STXBP6: variants seen among roughly 807,000 people sequenced by gnomAD.
STXBP6 encodes syntaxin binding protein 6.
In STXBP6, 21 loss-of-function variants were observed where a neutral mutation model predicts 26.9. The observed-to-expected ratio is 0.78, with a 90% CI of 0.55 to 1.12. The LOEUF is 1.12. STXBP6 is among the 50% of genes most tolerant of loss of function. The pLI is 0.00. For synonymous variants in STXBP6, 97 were observed against 92.6 expected (o/e 1.05, Z -0.27); for missense variants, 232 against 257.9 (o/e 0.90, Z 0.69).
At chr14:24,939,210 T>C (rs2072712148) in intron 2 of STXBP6, among the ~76,000 whole-genome samples, 2 of 152,184 alleles carry the variant, frequency 1.3e-5, no homozygotes, top group Non-Finnish European at 2.9e-5. Context: ...CCGGTGACTG[T>C]GGCCAAGGCA....
At chr14:25,003,821 T>C (rs757213461) in intron 1 of STXBP6, among the ~76,000 whole-genome samples, 2 of 152,184 alleles carry the variant, frequency 1.3e-5, no homozygotes, top group Non-Finnish European at 2.9e-5. Context: ...ATCACATGAA[T>C]TGACAGCAAC....
intron 5 of STXBP6, 116 bp from the exon 6 acceptor site, chr14:24,812,848 T>A (rs1300810672): frequency 1.0e-6 from 1 of 989,082 alleles, no homozygotes; most frequent in East Asian, 2.5e-5. Flanking sequence ...AAGATTCTAC[T>A]CTCTGTGGCA....
chr14:25,039,314 C>T (rs1442318357), intron 1 of STXBP6, among the ~76,000 whole-genome samples: 1 of 152,070 alleles, frequency 6.6e-6, no homozygotes, highest in Non-Finnish European at 1.5e-5. Context: ...GTTCTATTAC[C>T]AGGGCTGCTC....
At chr14:24,963,735 T>C (rs1026312475) in intron 2 of STXBP6, among the ~76,000 whole-genome samples, 4 of 152,102 alleles carry the variant, frequency 2.6e-5, no homozygotes, top group African/African-American at 9.7e-5. Context: ...AACACTCAGG[T>C]GCTTCACAAT....
At chr14:24,876,560 G>C (rs1226882818) in intron 2 of STXBP6, among the ~76,000 whole-genome samples, 1 of 152,088 alleles carries the variant, frequency 6.6e-6, no homozygotes, top group African/African-American at 2.4e-5. Flanking sequence ...CAGCACAAGG[G>C]GTTTGACATA....
chr14:25,037,959 A>G (rs935584607), intron 1 of STXBP6, among the ~76,000 whole-genome samples: 1 of 152,202 alleles, frequency 6.6e-6, no homozygotes, highest in East Asian at 1.9e-4. Flanking sequence ...TTCCCCAGAA[A>G]CATTTGAGGA....
intron 2 of STXBP6, among the ~76,000 whole-genome samples, chr14:24,945,998 G>A (rs2072975022): frequency 6.6e-6 from 1 of 152,172 alleles, no homozygotes; most frequent in African/African-American, 2.4e-5. Context: ...AATATCTGGT[G>A]GATCGAGACA....
chr14:25,046,591 T>C (rs2075731116), intron 1 of STXBP6, among the ~76,000 whole-genome samples: 1 of 152,234 alleles, frequency 6.6e-6, no homozygotes, highest in Admixed American at 6.5e-5. Flanking sequence ...CCTCCTCTTA[T>C]ACCTAATTGA....
chr14:25,045,242 T>C (rs1026721120), intron 1 of STXBP6, among the ~76,000 whole-genome samples: 10 of 152,208 alleles, frequency 6.6e-5, no homozygotes, highest in Non-Finnish European at 1.5e-4. Context: ...GTCGTTGATA[T>C]AGTTAACTAT....
intron 4 of STXBP6, among the ~76,000 whole-genome samples, chr14:24,831,152 A>C (rs780116795): frequency 6.6e-6 from 1 of 152,188 alleles, no homozygotes; most frequent in Non-Finnish European, 1.5e-5. Flanking sequence ...TAGTTTAAGC[A>C]ATAGTTTCTT....
At chr14:24,900,143 CT>C (rs2071161289) in intron 2 of STXBP6, among the ~76,000 whole-genome samples, 1 of 152,154 alleles carries the variant, frequency 6.6e-6, no homozygotes, top group South Asian at 2.1e-4. Context: ...TTAGATTTTT[CT>C]TTTTTCATTT....
At chr14:24,894,262 A>C (rs1241604) in intron 2 of STXBP6, among the ~76,000 whole-genome samples, 100,743 of 152,100 alleles carry the variant, frequency 0.66, 33,483 homozygotes, top group East Asian at 0.76. Context: ...ACCAGTGTAA[A>C]ATGATGAGGA....
intron 1 of STXBP6, among the ~76,000 whole-genome samples, chr14:25,020,479 C>T (rs938808672): frequency 2.6e-5 from 4 of 152,112 alleles, no homozygotes; most frequent in Admixed American, 1.3e-4. Context: ...CGAACCCTGA[C>T]CAAATTCTGC....
chr14:25,023,181 G>A (rs2075290088), intron 1 of STXBP6, among the ~76,000 whole-genome samples: 1 of 151,990 alleles, frequency 6.6e-6, no homozygotes, highest in African/African-American at 2.4e-5. Flanking sequence ...TATTAACTAT[G>A]GTTTGAACTT....
chr14:25,021,956 A>C (rs1478834539), intron 1 of STXBP6, among the ~76,000 whole-genome samples: 1 of 152,226 alleles, frequency 6.6e-6, no homozygotes, highest in Non-Finnish European at 1.5e-5. Flanking sequence ...AGGGAAGATG[A>C]CAATAGGGAG....
At chr14:24,910,544 A>G (rs1416070134) in intron 2 of STXBP6, among the ~76,000 whole-genome samples, 1 of 152,226 alleles carries the variant, frequency 6.6e-6, no homozygotes, top group African/African-American at 2.4e-5. Flanking sequence ...ACTGTCTACC[A>G]TAAGAGAGGT....
chr14:24,986,953 G>C (rs550786330), intron 1 of STXBP6, among the ~76,000 whole-genome samples: 2 of 152,258 alleles, frequency 1.3e-5, no homozygotes, highest in Non-Finnish European at 2.9e-5. Flanking sequence ...TGCAAATTCA[G>C]GCTCTGCTCT....
intron 2 of STXBP6, among the ~76,000 whole-genome samples, chr14:24,946,139 C>T (rs911768197): frequency 1.3e-5 from 2 of 152,074 alleles, no homozygotes; most frequent in African/African-American, 4.8e-5. Context: ...ACTCTTTATA[C>T]AAATGTATGA....
chr14:24,916,096 T>C (rs527516846), intron 2 of STXBP6, among the ~76,000 whole-genome samples: 1 of 152,280 alleles, frequency 6.6e-6, no homozygotes, highest in African/African-American at 2.4e-5. Flanking sequence ...AGCCTTTTCC[T>C]GTACAGCTTA....
Sources: allele counts gnomAD v4.1 joint callset (sites outside exome capture counted in the v4.1 genomes callset), GRCh38; gene constraint gnomAD v4.1.1; transcripts MANE v1.5; gene names NCBI Gene and HGNC (gene_info 2026-07-23, HGNC 2026-07-21).